IDUA: variants seen among roughly 807,000 people sequenced by gnomAD.
IDUA encodes the protein alpha-L-iduronidase.
IDUA carries 65 observed loss-of-function variants against 68.9 expected under a neutral mutation model. That is an observed-to-expected ratio of 0.94 (90% CI 0.77 to 1.16). The LOEUF (loss-of-function observed/expected upper bound fraction) is 1.16, where lower values mean the gene tolerates loss of function less well. Ranked by LOEUF, IDUA falls within the 50% of genes most tolerant of loss-of-function variation. The pLI, the probability that IDUA is intolerant of heterozygous loss-of-function variation, is 0.00. For synonymous variants in IDUA, 529 were observed against 433.6 expected (o/e 1.22, Z -2.73); for missense variants, 1,046 against 938.0 (o/e 1.12, Z -1.50).
chr4:989,778 G>T, intron 2 of IDUA: 1 of 1,566,506 alleles, frequency 6.4e-7, no homozygotes, highest in East Asian at 2.4e-5. Context: ...GGAGGAAGGC[G>T]GGTAGCACGT....
At chr4:1,002,583 G>A in intron 8 of IDUA, 98 bp downstream of exon 8, 1 of 1,253,588 alleles carries the variant, frequency 8.0e-7, no homozygotes, top group Non-Finnish European at 1.0e-6. Flanking sequence ...TCCTCCAGCC[G>A]CGCGCTTCCC....
In IDUA at chr4:990,285, C is replaced by T. The variant is rs375888392; in HGVS notation, c.299+2336C>T. On this transcript the variant is annotated intron_variant, in intron 2 of 13. Coordinates refer to ENST00000514224, the MANE Select transcript of IDUA (RefSeq NM_000203.5). ...GCGAGGTCAGGATGGTCACGGAGGC[C>T]CCCATGGCAAAGCCATCGAGCAGTG... The T allele has an allele frequency of 1.6e-3, 2,569 of 1,602,372 alleles. 70 individuals are homozygous for T. In the South Asian group the frequency reaches 0.028, roughly 17 times the overall value.
chr4:997,381 C>G (rs1462907160), intron 2 of IDUA, among the ~76,000 whole-genome samples: 1 of 150,952 alleles, frequency 6.6e-6, no homozygotes, highest in East Asian at 2.0e-4. Flanking sequence ...CTCCCCACCC[C>G]GCGCGGTCTC....
intron 2 of IDUA, among the ~76,000 whole-genome samples, chr4:1,000,371 A>G (rs181361512): frequency 1.3e-3 from 198 of 152,144 alleles, no homozygotes; most frequent in African/African-American, 4.4e-3. Context: ...CCGAACCCCC[A>G]CCCCAAGTTT....
chr4:1,002,384 G>T lies in IDUA; in HGVS notation c.1088G>T (p.Arg363Leu), dbSNP rs1416427527. Reference protein sequence around the residue: ...LSYHPHPFAQRTLTARFQVNN... With the variant: ...LSYHPHPFAQLTLTARFQVNN... ...TACCACCCGCACCCCTTCGCGCAGC[G>T]CACGCTCACCGCGCGCTTCCAGGTC... Residue 363 changes from arginine (R) to leucine (L), a missense_variant, in exon 8 of 14, where the codon CGC becomes CTC. Transcript: ENST00000514224. The T allele has an allele frequency of 2.5e-6, 4 of 1,609,902 alleles. No homozygotes were observed. Among genetic ancestry groups the T allele is most frequent in the Non-Finnish European group, 3.4e-6 (4 of 1,178,470 alleles).
intron 2 of IDUA, chr4:992,019 C>T (rs887367685): frequency 1.4e-5 from 9 of 624,864 alleles, no homozygotes; most frequent in Non-Finnish European, 2.7e-5. Context: ...CGTGGCGGCA[C>T]CCTGTCCAGG....
intron 2 of IDUA, chr4:989,597 C>T (rs1239894630): frequency 6.2e-7 from 1 of 1,601,614 alleles, no homozygotes; most frequent in Non-Finnish European, 8.5e-7. Context: ...CGCAGGCTGA[C>T]CACGATGACG....
At chr4:989,710 C>G in intron 2 of IDUA, 1 of 1,558,946 alleles carries the variant, frequency 6.4e-7, no homozygotes. Flanking sequence ...CTGTGTCCGG[C>G]AGCCAGTGGC....
At position 1,003,339 on chromosome 4, in the gene IDUA, G is replaced by T. The variant is rs1560549741; in HGVS notation, c.1525-6G>T. 1 of 1,453,894 alleles carries T rather than the reference G, an allele frequency of 6.9e-7. No individual in the cohort carries two copies. Among genetic ancestry groups the T allele is most frequent in the South Asian group, 1.4e-5 (1 of 74,020 alleles). 90.1% of individuals were successfully genotyped at this position (1,453,894 alleles called of 1,614,324 possible). On this transcript the variant is annotated splice_polypyrimidine_tract_variant and splice_region_variant and intron_variant, in intron 10 of 13. Transcript: ENST00000514224. ...GAGAACCCTGAGGACCGGCCACTGC[G>T]CCCAGGACCCGGTGGCCGCGGCGCC...
intron 2 of IDUA, among the ~76,000 whole-genome samples, chr4:999,544 C>T (rs1165469983): frequency 6.6e-6 from 1 of 152,262 alleles, no homozygotes; most frequent in Non-Finnish European, 1.5e-5. Flanking sequence ...GCTCCTCACT[C>T]CCTGTCGTAT....
At chr4:992,042 C>T in intron 2 of IDUA, 1 of 585,140 alleles carries the variant, frequency 1.7e-6, no homozygotes, top group Non-Finnish European at 3.2e-6. Context: ...CAGCTCCGGC[C>T]TATTGGCTCT....
At chr4:988,919 C>T (rs1486836840) in intron 2 of IDUA, 1 of 1,603,668 alleles carries the variant, frequency 6.2e-7, no homozygotes, top group Non-Finnish European at 8.5e-7. Context: ...AACAGCTGCT[C>T]CTCCTCAGCC....
rs1715120049 is a variant in IDUA, at chr4:1,002,084, G to T, written c.895G>T (p.Glu299Ter). Residue 299 changes from glutamate (E) to a stop codon, truncating the protein, a stop_gained, in exon 7 of 14, where the codon GAG (glutamate) becomes TAG (stop). Coordinates refer to ENST00000514224, the MANE Select transcript of IDUA (RefSeq NM_000203.5). LOFTEE classifies it high-confidence loss of function. ...CGCGGACACCCCCATTTACAACGAC[G>T]AGGCGGACCCGCTGGTGGGCTGGTC... Reference protein sequence around the residue: ...KFADTPIYNDEADPLVGWSLP... With the variant: ...KFADTPIYND 1.3e-6 allele frequency: 2 copies of T among 1,582,202 alleles called. No homozygotes were observed. The highest frequency in any genetic ancestry group is 2.3e-5 in the South Asian group (2 of 86,636).
rs781635032 is a variant in IDUA, at chr4:1,001,035, C to A, written c.493+46C>A. 2.2e-6 allele frequency: 3 copies of A among 1,384,582 alleles called. No individual in the cohort carries two copies. In the South Asian group the frequency reaches 3.5e-5, roughly 16 times the overall value. 85.8% of individuals were successfully genotyped at this position (1,384,582 alleles called of 1,614,324 possible). A position where few individuals can be genotyped will look rare whatever the true frequency, so the allele number is the denominator to read the frequency against. On this transcript the variant is annotated intron_variant, in intron 4 of 13. Transcript: ENST00000514224. ...GGGCCCTGGCCGGGGCGGGGGTACT[C>A]CTGGGCAGGTTGCACCCCTATCACG...
intron 2 of IDUA, chr4:991,711 C>A: frequency 2.0e-6 from 3 of 1,533,294 alleles, no homozygotes; most frequent in South Asian, 1.2e-5. Flanking sequence ...CATCCTGTTG[C>A]GTCAGGTCCC....
chr4:1,001,643 C>A (rs565704399), intron 5 of IDUA, 36 bp from the exon 6 acceptor site: 1 of 1,606,162 alleles, frequency 6.2e-7, no homozygotes, highest in Non-Finnish European at 8.5e-7. Flanking sequence ...CGCTCATCCC[C>A]AGGGCAGGTG....
At chr4:990,409 C>A in intron 2 of IDUA, 3 of 1,513,512 alleles carry the variant, frequency 2.0e-6, no homozygotes, top group Non-Finnish European at 2.7e-6. Context: ...GCGGGAGCCA[C>A]CTGCCCCTCA....
chr4:989,971 A>C, intron 2 of IDUA: 1 of 1,556,976 alleles, frequency 6.4e-7, no homozygotes, highest in South Asian at 1.2e-5. Context: ...ACCCGTGGGG[A>C]TGTCGCCAGC....
chr4:993,366 C>T (rs1228498982), intron 2 of IDUA: 2 of 152,410 alleles, frequency 1.3e-5, no homozygotes, highest in African/African-American at 4.8e-5. Context: ...CCACCGAGGA[C>T]CGCAGGGCCC....
Sources: allele counts gnomAD v4.1 joint callset (sites outside exome capture counted in the v4.1 genomes callset), GRCh38; gene constraint gnomAD v4.1.1; transcripts MANE v1.5; gene names NCBI Gene and HGNC (gene_info 2026-07-23, HGNC 2026-07-21).